Variants in UTP18 observed in about 807,000 individuals in gnomAD.
The protein encoded by UTP18 is U3 small nucleolar RNA-associated protein 18 homolog.
In UTP18, 36 loss-of-function variants were observed where a neutral mutation model predicts 61.1. The ratio of observed to expected loss-of-function variants is 0.59; its 90% confidence interval spans 0.45 to 0.78. The LOEUF (loss-of-function observed/expected upper bound fraction) is 0.78. UTP18 is among the 30% of genes least tolerant of loss of function. UTP18 has a pLI of 0.00. For synonymous variants in UTP18, 282 were observed against 251.1 expected, an observed-to-expected ratio of 1.12 and a Z score of -1.16; for missense variants, 753 against 693.9, an observed-to-expected ratio of 1.09 and a Z score of -0.96.
At chr17:51,269,839 TTGTGTGTGTGTGTGTGTG>T (rs58180688) in intron 4 of UTP18, among the ~76,000 whole-genome samples, 3 of 137,718 alleles carry the variant, frequency 2.2e-5, no homozygotes, top group South Asian at 4.6e-4. Flanking sequence ...AAATAATGTA[TTGTGTGTGTGTGTGTGTG>T]TGTGTGTGTG....
At chr17:51,265,125 A>G (rs375404820) in intron 2 of UTP18, among the ~76,000 whole-genome samples, 1 of 152,166 alleles carries the variant, frequency 6.6e-6, no homozygotes, top group African/African-American at 2.4e-5. Flanking sequence ...CTTTCTGTGC[A>G]TAGAAGTTTT....
Position 51,282,872 on chromosome 17 carries a change from T to C in UTP18, c.1205-2373T>C, listed in dbSNP as rs1436610551. Among the ~76,000 whole-genome samples the C allele has an allele frequency of 1.8e-4, 19 of 108,240 alleles. No individual in the cohort carries two copies. In the East Asian group the frequency reaches 2.2e-3, roughly 12 times the overall value. The allele number at this position is 108,240 out of a possible 152,430, so 71.0% of individuals were successfully genotyped here. ...CTTTTCTTCTTCTTCTTCTTCTTTT[T>C]TTTTTTTTTTTTTTGAGACAGAGTC... On this transcript the variant is annotated intron_variant, in intron 9 of 13. Coordinates refer to ENST00000225298, the MANE Select transcript of UTP18 (RefSeq NM_016001.3).
chr17:51,266,690 A>G (rs1222268554), intron 3 of UTP18, among the ~76,000 whole-genome samples: 1 of 152,168 alleles, frequency 6.6e-6, no homozygotes, highest in Admixed American at 6.5e-5. Flanking sequence ...ATAATGCGAC[A>G]CTTAACTCAT....
intron 6 of UTP18, among the ~76,000 whole-genome samples, chr17:51,276,535 T>C (rs527854967): frequency 1.4e-4 from 21 of 152,350 alleles, no homozygotes; most frequent in African/African-American, 4.8e-4. Context: ...CTCATGACTT[T>C]ACTGGGTCTT....
chr17:51,274,503 G>A (rs555528947), intron 5 of UTP18, among the ~76,000 whole-genome samples: 1 of 152,202 alleles, frequency 6.6e-6, no homozygotes, highest in African/African-American at 2.4e-5. Flanking sequence ...GTGCAAGGGC[G>A]TGATCTCGGC....
In UTP18 at chr17:51,266,299, A is replaced by G; in HGVS notation, c.554+19A>G. 1 of 1,550,822 alleles carries G rather than the reference A, an allele frequency of 6.4e-7. No individual in the cohort carries two copies. The highest frequency in any genetic ancestry group is 1.4e-5 in the African/African-American group (1 of 71,854). On this transcript the variant is annotated intron_variant, in intron 3 of 13. Coordinates refer to ENST00000225298, the MANE Select transcript of UTP18 (RefSeq NM_016001.3). ...AAGAAGAGTAAGTGTCTTTTTTCAT[A>G]TGATTTACCAAGAGGTGTATGTAAC...
intron 9 of UTP18, 54 bp from the exon 10 acceptor site, chr17:51,285,190 TG>T: frequency 6.2e-7 from 1 of 1,605,634 alleles, no homozygotes; most frequent in Non-Finnish European, 8.5e-7. Flanking sequence ...CCAGTTTACT[TG>T]CCTTTCAAGT....
chr17:51,262,185 G>T (rs56302947), intron 1 of UTP18, among the ~76,000 whole-genome samples: 56,590 of 151,560 alleles, frequency 0.37, 12,484 homozygotes, highest in East Asian at 0.6. Flanking sequence ...GGGTTCAAGC[G>T]ATTCTCCTGC....
chr17:51,272,557 T>C (rs1904563553), intron 4 of UTP18, among the ~76,000 whole-genome samples: 2 of 152,236 alleles, frequency 1.3e-5, no homozygotes, highest in African/African-American at 4.8e-5. Flanking sequence ...AAAAATAATG[T>C]AGATTAATTA....
chr17:51,273,256 C>G, intron 4 of UTP18, 106 bp from the exon 5 acceptor site: 1 of 680,552 alleles, frequency 1.5e-6, no homozygotes, highest in African/African-American at 1.9e-5. Context: ...GGTAGGGAGG[C>G]TGGAAAGGGA....
intron 11 of UTP18, among the ~76,000 whole-genome samples, chr17:51,292,053 A>C (rs1160086244): frequency 6.6e-6 from 1 of 152,212 alleles, no homozygotes; most frequent in Non-Finnish European, 1.5e-5. Context: ...ACAATAACCC[A>C]AGTGAAACAC....
chr17:51,261,719 T>C (rs1568262058), intron 1 of UTP18, among the ~76,000 whole-genome samples: 1 of 152,062 alleles, frequency 6.6e-6, no homozygotes, highest in East Asian at 1.9e-4. Flanking sequence ...GAAAGGGAGA[T>C]GGGCGTGTGT....
intron 6 of UTP18, among the ~76,000 whole-genome samples, 160 bp from the exon 7 acceptor site, chr17:51,276,970 A>T (rs1187317029): frequency 6.6e-6 from 1 of 152,216 alleles, no homozygotes; most frequent in African/African-American, 2.4e-5. Flanking sequence ...GCCTCTTGAC[A>T]TAGGCATGGT....
At chr17:51,297,049 C>G (rs757271915) in intron 13 of UTP18, 46 bp downstream of exon 13, 3 of 1,510,720 alleles carry the variant, frequency 2.0e-6, no homozygotes, top group Non-Finnish European at 2.7e-6. Context: ...TTAAGATACA[C>G]CCATTGCTGT....
intron 11 of UTP18, chr17:51,288,635 T>G (rs1905172365): frequency 2.2e-6 from 1 of 456,020 alleles, no homozygotes; most frequent in African/African-American, 2.0e-5. Flanking sequence ...GTATTGTAAT[T>G]TAAATAGCTA....
chr17:51,288,718 G>T (rs1197205160), intron 11 of UTP18: 1 of 428,462 alleles, frequency 2.3e-6, no homozygotes, highest in East Asian at 7.0e-5. Flanking sequence ...GCTAACGAGA[G>T]ATGACTTCCA....
chr17:51,278,263 T>C (rs1904796905), intron 7 of UTP18, among the ~76,000 whole-genome samples: 1 of 152,188 alleles, frequency 6.6e-6, no homozygotes, highest in African/African-American at 2.4e-5. Context: ...TCTGTAGGTC[T>C]TAGGTGGGTT....
At chr17:51,265,976 A>G (rs1428419112) in intron 2 of UTP18, among the ~76,000 whole-genome samples, 1 of 152,240 alleles carries the variant, frequency 6.6e-6, no homozygotes, top group Non-Finnish European at 1.5e-5. Context: ...GTAGCTCTCC[A>G]AAGTGTAAAC....
intron 12 of UTP18, chr17:51,296,629 TC>T: frequency 4.9e-6 from 1 of 204,758 alleles, no homozygotes; most frequent in East Asian, 1.1e-4. Flanking sequence ...CATTAGATTT[TC>T]CACCAGAGCA....
Sources: allele counts gnomAD v4.1 joint callset (sites outside exome capture counted in the v4.1 genomes callset), GRCh38; gene constraint gnomAD v4.1.1; transcripts MANE v1.5; gene names NCBI Gene and HGNC (gene_info 2026-07-23, HGNC 2026-07-21).